The following KALRN variants were observed in gnomAD, a reference collection of about 807,000 sequenced individuals.
The protein encoded by KALRN is kalirin RhoGEF kinase.
KALRN carries 70 observed loss-of-function variants against 353.7 expected under a neutral mutation model. The ratio of observed to expected loss-of-function variants is 0.20; its 90% CI spans 0.16 to 0.24. KALRN has a LOEUF of 0.24. Among genes scored for constraint, KALRN ranks in the 10% least tolerant of loss-of-function variants. KALRN has a pLI of 1.00. For synonymous variants in KALRN, 1,391 were observed against 1,434.8 expected (o/e 0.97, Z 0.69); for missense variants, 2,791 against 3,756.7 (o/e 0.74, Z 6.72).
At chr3:124,192,998 A>C (rs57047586) in intron 1 of KALRN, among the ~76,000 whole-genome samples, 3 of 152,224 alleles carry the variant, frequency 2.0e-5, no homozygotes, top group Admixed American at 6.5e-5. Context: ...TACATTCCCC[A>C]AAAATTGTCA....
At chr3:124,609,114 G>T (rs2077660375) in intron 34 of KALRN, among the ~76,000 whole-genome samples, 1 of 152,126 alleles carries the variant, frequency 6.6e-6, no homozygotes, top group East Asian at 1.9e-4. Flanking sequence ...GTATACATGT[G>T]CACACAGCTA....
chr3:124,411,549 C>A (rs932579657), intron 13 of KALRN, among the ~76,000 whole-genome samples: 2 of 143,936 alleles, frequency 1.4e-5, no homozygotes, highest in Non-Finnish European at 3.0e-5. Flanking sequence ...TCAAGTGATT[C>A]TCCTGCCTCA....
chr3:124,389,856 A>G (rs1033346268), intron 11 of KALRN, among the ~76,000 whole-genome samples: 2 of 152,194 alleles, frequency 1.3e-5, no homozygotes, highest in African/African-American at 4.8e-5. Flanking sequence ...GTTTTGCAAG[A>G]TTTCTTCAAT....
rs1462289367 is a variant in KALRN at position 124,720,679 on chromosome 3, T to TA, written c.*1210dup. 1 of 152,528 alleles carries TA rather than the reference T, an allele frequency of 6.6e-6. No individual in the cohort carries two copies. Among genetic ancestry groups the TA allele is most frequent in the East Asian group, 1.9e-4 (1 of 5,206 alleles). The allele number at this position is 152,528 out of a possible 1,614,324, so 9.4% of individuals were successfully genotyped here. A position where few individuals can be genotyped will look rare whatever the true frequency, so the allele number is the denominator to read the frequency against. ...ATACCTGTCACCATGCAGCCGCTGA[T>TA]AGTTCTCTGAACTAAAAGGACTAAT... On this transcript the variant is annotated 3_prime_UTR_variant, in exon 60 of 60. Coordinates refer to ENST00000682506, the MANE Select transcript of KALRN (RefSeq NM_001388419.1).
At chr3:124,380,582 A>T (rs2087216953) in intron 10 of KALRN, among the ~76,000 whole-genome samples, 1 of 152,222 alleles carries the variant, frequency 6.6e-6, no homozygotes, top group South Asian at 2.1e-4. Context: ...TAAGGGGTCA[A>T]GTCCAAGGCA....
At chr3:124,640,156 TAGTG>T (rs1045890935) in intron 37 of KALRN, among the ~76,000 whole-genome samples, 3 of 152,168 alleles carry the variant, frequency 2.0e-5, no homozygotes, top group African/African-American at 7.2e-5. Context: ...GCTGCGAAGA[TAGTG>T]AGTATTATCA....
chr3:124,110,963 A>G (rs2062908260), intron 1 of KALRN, among the ~76,000 whole-genome samples: 2 of 152,224 alleles, frequency 1.3e-5, no homozygotes, highest in Admixed American at 1.3e-4. Flanking sequence ...TGTTTCTTGC[A>G]GATTGGCAAA....
At chr3:124,652,279 A>G (rs1036983241) in intron 38 of KALRN, among the ~76,000 whole-genome samples, 1 of 152,256 alleles carries the variant, frequency 6.6e-6, no homozygotes, top group Non-Finnish European at 1.5e-5. Flanking sequence ...CTATCACTTC[A>G]TAGTGGAGAT....
At chr3:124,549,348 C>CAT (rs1484024389) in intron 33 of KALRN, among the ~76,000 whole-genome samples, 1 of 141,592 alleles carries the variant, frequency 7.1e-6, no homozygotes, top group Non-Finnish European at 1.5e-5. Context: ...CACACACACA[C>CAT]ATAATCACAC....
chr3:124,519,808 T>C (rs2067011036), intron 33 of KALRN: 1 of 985,296 alleles, frequency 1.0e-6, no homozygotes, highest in Non-Finnish European at 1.2e-6. Context: ...TTTTTCCGTA[T>C]GTCACTTTCT....
intron 34 of KALRN, among the ~76,000 whole-genome samples, chr3:124,603,847 A>G (rs2077050978): frequency 6.6e-6 from 1 of 152,168 alleles, no homozygotes; most frequent in East Asian, 1.9e-4. Context: ...ACCTTATAGT[A>G]TCTAACTATG....
chr3:124,546,176 A>G (rs2069622719), intron 33 of KALRN, among the ~76,000 whole-genome samples: 1 of 152,020 alleles, frequency 6.6e-6, no homozygotes, highest in African/African-American at 2.4e-5. Flanking sequence ...AGTGATTAAA[A>G]GGCAGTGATA....
chr3:124,268,976 C>T lies in KALRN; in HGVS notation c.690C>T (p.Asp230=), dbSNP rs200074249. 1.1e-5 allele frequency: 17 copies of T among 1,613,976 alleles called. No homozygotes were observed. Among genetic ancestry groups the T allele is most frequent in the Admixed American group, 5.0e-5 (3 of 60,004 alleles). The change falls in exon 5 of 60, where the codon GAC becomes GAT. Residue 230 remains aspartate, a synonymous_variant. Transcript: ENST00000682506. ...VDVEGSRRLI[D]EHTQLKKKVL... The stretch of plus-strand genomic sequence containing the variant: ...TGGAGGGCTCTCGGCGGCTCATTGA[C>T]GAACACACACAGCTCAAGAAAAAGG...
chr3:124,292,852 T>C (rs2076539453), intron 5 of KALRN, among the ~76,000 whole-genome samples: 1 of 152,226 alleles, frequency 6.6e-6, no homozygotes, highest in Admixed American at 6.5e-5. Context: ...CAAAGCATTT[T>C]CATAGCCATC....
chr3:124,708,044 A>G (rs2062722359), intron 57 of KALRN, among the ~76,000 whole-genome samples: 1 of 152,234 alleles, frequency 6.6e-6, no homozygotes, highest in Non-Finnish European at 1.5e-5. Context: ...AAAGCATAGT[A>G]AACACTGAAA....
intron 26 of KALRN, 141 bp downstream of exon 26, chr3:124,474,873 C>T: frequency 1.4e-6 from 1 of 718,326 alleles, no homozygotes; most frequent in Non-Finnish European, 2.5e-6. Flanking sequence ...CTGAGAGAAG[C>T]CTTGGGAAAA....
chr3:124,577,993 G>T (rs1291995963), intron 34 of KALRN, among the ~76,000 whole-genome samples: 1 of 152,116 alleles, frequency 6.6e-6, no homozygotes, highest in Non-Finnish European at 1.5e-5. Context: ...GATGACTATT[G>T]TCTCAATTCC....
At chr3:124,474,529 A>G (rs991886131) in intron 25 of KALRN, 134 bp from the exon 26 acceptor site, 41 of 675,474 alleles carry the variant, frequency 6.1e-5, no homozygotes, top group Non-Finnish European at 1.1e-4. Flanking sequence ...ACTGCACCTC[A>G]CCATCTATCA....
intron 6 of KALRN, among the ~76,000 whole-genome samples, chr3:124,303,745 G>A (rs1032697489): frequency 6.6e-6 from 1 of 152,160 alleles, no homozygotes; most frequent in African/African-American, 2.4e-5. Flanking sequence ...AGCTGGGCGG[G>A]AGGAATCCTT....
Sources: gnomAD v4.1 joint callset for allele counts (sites outside exome capture counted in the v4.1 genomes callset) on GRCh38, gnomAD v4.1.1 for gene constraint, MANE v1.5 for transcripts, NCBI Gene and HGNC (gene_info 2026-07-23, HGNC 2026-07-21) for gene names.